Variants in PLSCR2 observed in about 807,000 individuals in gnomAD.
PLSCR2 encodes PL scramblase 2.
A neutral mutation model predicts 25.3 loss-of-function variants in PLSCR2; 18 were observed. The ratio of observed to expected loss-of-function variants is 0.71; its 90% CI spans 0.49 to 1.06. PLSCR2 has a LOEUF of 1.06. Ranked by LOEUF, PLSCR2 falls within the 50% of genes least tolerant of loss-of-function variation. The pLI is 0.00. For synonymous variants in PLSCR2, 88 were observed against 87.3 expected (o/e 1.01, Z -0.04); for missense variants, 243 against 269.5 (o/e 0.90, Z 0.69).
At chr3:146,491,041 A>G (rs1258993660) in intron 1 of PLSCR2, among the ~76,000 whole-genome samples, 1 of 152,090 alleles carries the variant, frequency 6.6e-6, no homozygotes, top group African/African-American at 2.4e-5. Flanking sequence ...AGGCAGGCCT[A>G]CTGGTAACAA....
At chr3:146,460,344 T>C (rs2041495109) in exon 1 of PLSCR2, 2 of 433,208 alleles carry the variant, frequency 4.6e-6, no homozygotes, top group Middle Eastern at 1.6e-3. Context: ...ATAGAAAATA[T>C]GCTTTTATAC....
At chr3:146,395,439 C>G (rs946545081) in intron 3 of PLSCR2, among the ~76,000 whole-genome samples, 1 of 152,128 alleles carries the variant, frequency 6.6e-6, no homozygotes, top group Non-Finnish European at 1.5e-5. Context: ...GTGTAACAAG[C>G]ATGTATTAAT....
chr3:146,411,497 G>C (rs532380271), intron 2 of PLSCR2, among the ~76,000 whole-genome samples: 11 of 152,360 alleles, frequency 7.2e-5, no homozygotes, highest in African/African-American at 2.6e-4. Flanking sequence ...TCGGGGACCT[G>C]AAAATTCTTA....
intron 1 of PLSCR2, among the ~76,000 whole-genome samples, chr3:146,475,836 G>A (rs1328098713): frequency 6.6e-6 from 1 of 152,134 alleles, no homozygotes; most frequent in Non-Finnish European, 1.5e-5. Context: ...TCAGCCAGAC[G>A]AGAGAGATTA....
chr3:146,392,066 GTTTGT>G (rs1280212736), intron 3 of PLSCR2, among the ~76,000 whole-genome samples: 4 of 151,828 alleles, frequency 2.6e-5, no homozygotes, highest in Admixed American at 2.0e-4. Flanking sequence ...TCATTTTTTA[GTTTGT>G]TTTAATATCT....
At chr3:146,405,407 C>T (rs367544590) in intron 2 of PLSCR2, among the ~76,000 whole-genome samples, 1 of 151,982 alleles carries the variant, frequency 6.6e-6, no homozygotes, top group Non-Finnish European at 1.5e-5. Context: ...CAAGTTAAGT[C>T]CTTGAGGAAG....
At chr3:146,443,151 A>G (rs1344979120) in intron 6 of PLSCR2, among the ~76,000 whole-genome samples, 1 of 151,960 alleles carries the variant, frequency 6.6e-6, no homozygotes, top group Admixed American at 6.6e-5. Flanking sequence ...TTTTTGATGT[A>G]TTGTTGATTT....
chr3:146,462,192 GC>G (rs1401676331), upstream of PLSCR2, among the ~76,000 whole-genome samples: 8 of 151,814 alleles, frequency 5.3e-5, no homozygotes. Flanking sequence ...ATCTAGTAGA[GC>G]CTTATCTGGC....
chr3:146,445,353 A>G (rs1194597723), intron 6 of PLSCR2, among the ~76,000 whole-genome samples: 2 of 152,110 alleles, frequency 1.3e-5, no homozygotes, highest in African/African-American at 4.8e-5. Context: ...GTCTGGTATT[A>G]ATGAAATTCC....
At chr3:146,408,686 C>T (rs1373946132) in intron 2 of PLSCR2, among the ~76,000 whole-genome samples, 1 of 152,028 alleles carries the variant, frequency 6.6e-6, no homozygotes, top group Non-Finnish European at 1.5e-5. Context: ...CGGGGGCTCC[C>T]AGGTCAAAAG....
chr3:146,466,844 C>A (rs977770033), intron 1 of PLSCR2, among the ~76,000 whole-genome samples: 5 of 152,116 alleles, frequency 3.3e-5, no homozygotes, highest in Admixed American at 6.5e-5. Flanking sequence ...AAACAAAAAA[C>A]CCCACATTCT....
In PLSCR2 at chr3:146,452,527, A is replaced by G. The variant is rs547190515; in HGVS notation, c.483+1475T>C. 9.2e-5 allele frequency among the ~76,000 whole-genome samples: 14 copies of G among 152,260 alleles called. No homozygotes were observed. In the East Asian group the frequency reaches 2.7e-3, roughly 29 times the overall value. ...TATAATTTATGAATGGTTACTGAAA[A>G]GGTATTTTTAAATTACAAACTCAGC... On this transcript the variant is annotated intron_variant, in intron 5 of 6. Coordinates refer to ENST00000610787, the Ensembl canonical transcript of PLSCR2.
At chr3:146,462,875 C>G (rs1560032024), upstream of PLSCR2, among the ~76,000 whole-genome samples, 1 of 152,156 alleles carries the variant, frequency 6.6e-6, no homozygotes, top group South Asian at 2.1e-4. Flanking sequence ...AAAACTTCAG[C>G]CTTCACAACC....
upstream of PLSCR2, among the ~76,000 whole-genome samples, chr3:146,465,064 GC>G (rs2041800462): frequency 6.6e-6 from 1 of 152,080 alleles, no homozygotes; most frequent in African/African-American, 2.4e-5. Flanking sequence ...AGAAATGAAA[GC>G]CCAGACTCCA....
At chr3:146,435,103 A>G (rs2039764206) in intron 8 of PLSCR2, among the ~76,000 whole-genome samples, 1 of 151,944 alleles carries the variant, frequency 6.6e-6, no homozygotes, top group African/African-American at 2.4e-5. Flanking sequence ...ACATGAACTC[A>G]TCATTTTTTA....
At chr3:146,424,562 A>G (rs2039271864) in intron 2 of PLSCR2, among the ~76,000 whole-genome samples, 1 of 152,084 alleles carries the variant, frequency 6.6e-6, no homozygotes, top group African/African-American at 2.4e-5. Context: ...CCTAATATAA[A>G]TCTTGGTACG....
chr3:146,449,263 G>A lies in PLSCR2; in HGVS notation c.588C>T (p.Phe196=), dbSNP rs1474834794. 3 of 1,612,602 alleles carry A rather than the reference G, an allele frequency of 1.9e-6. No individual in the cohort carries two copies. The Admixed American group carries it at 5.0e-5, about 27-fold the overall frequency. The change falls in exon 6 of 7, where the codon TTC becomes TTT. Residue 196 remains phenylalanine (F), a synonymous_variant. Transcript: ENST00000610787. Reference sequence around the variant, plus strand: ...TCATTTTAACATCAAGGTCTCTAGGGAATTGGATTCCAAAGTTGTCAGCAT... The same window carrying A: ...TCATTTTAACATCAAGGTCTCTAGGAAATTGGATTCCAAAGTTGTCAGCAT...
downstream of PLSCR2, chr3:146,441,641 T>A (rs554457767): frequency 3.5e-6 from 2 of 570,478 alleles, no homozygotes; most frequent in Non-Finnish European, 3.1e-6. Context: ...GCTACAAGCA[T>A]CATAGCTTAA....
intron 5 of PLSCR2, among the ~76,000 whole-genome samples, chr3:146,450,193 A>G (rs565182705): frequency 6.6e-6 from 1 of 152,316 alleles, no homozygotes; most frequent in South Asian, 2.1e-4. Context: ...AGTTATGTCA[A>G]CCCAAGTCAG....
Sources: allele counts gnomAD v4.1 joint callset (sites outside exome capture counted in the v4.1 genomes callset), GRCh38; gene constraint gnomAD v4.1.1; transcripts MANE v1.5; gene names NCBI Gene and HGNC (gene_info 2026-07-23, HGNC 2026-07-21).